The following NADSYN1 variants were observed in gnomAD, a reference collection of about 807,000 sequenced individuals.
NADSYN1 encodes NAD synthetase 1.
In NADSYN1, 80 loss-of-function variants were observed where a neutral mutation model predicts 99.3. That is an observed-to-expected ratio of 0.81 (90% CI 0.67 to 0.97). NADSYN1 has a LOEUF of 0.97. NADSYN1 is among the 50% of genes least tolerant of loss of function. NADSYN1 has a pLI of 0.00. For missense variants in NADSYN1, 859 were observed against 948.5 expected (o/e 0.91, Z 1.24); for synonymous variants, 385 against 372.1 (o/e 1.03, Z -0.40).
chr11:71,487,117 G>C (rs561483559), intron 16 of NADSYN1, among the ~76,000 whole-genome samples: 4 of 152,148 alleles, frequency 2.6e-5, no homozygotes, highest in Admixed American at 1.3e-4. Flanking sequence ...CTGCAGATGT[G>C]TTCTCTTTTA....
At chr11:71,484,083 G>C (rs1949726379) in intron 14 of NADSYN1, among the ~76,000 whole-genome samples, 1 of 152,246 alleles carries the variant, frequency 6.6e-6, no homozygotes. Context: ...GGAGGAGGGA[G>C]TGGGGACAGA....
Position 71,453,314 on chromosome 11 carries a change from CG to C in NADSYN1, c.19del (p.Val7TrpfsTer21). The C allele has an allele frequency of 6.2e-7, 1 of 1,613,766 alleles. No homozygotes were observed. Among genetic ancestry groups the C allele is most frequent in the Middle Eastern group, 1.7e-4 (1 of 6,060 alleles). On this transcript the variant is annotated frameshift_variant, in exon 1 of 21. Coordinates refer to ENST00000319023, the MANE Select transcript of NADSYN1 (RefSeq NM_018161.5). LOFTEE classifies it high-confidence loss of function. Reference protein sequence around the residue: MGRKVTVATCALNQWAL... With the variant: MGRKVTXATCALNQWAL... ...CGGCCAGGATGGGCCGGAAGGTGACCGTGGCCACCTGCGCACTCAACCAGTG... is the reference window on the plus strand; with the variant it reads ...CGGCCAGGATGGGCCGGAAGGTGACCTGGCCACCTGCGCACTCAACCAGTG...
intron 3 of NADSYN1, among the ~76,000 whole-genome samples, chr11:71,459,403 A>C (rs1361642045): frequency 1.5e-5 from 2 of 135,646 alleles, no homozygotes; most frequent in Non-Finnish European, 3.1e-5. Flanking sequence ...AGCCACCCCT[A>C]TGGAGGCCTC....
At chr11:71,464,400 C>T in intron 5 of NADSYN1, 3 of 410,938 alleles carry the variant, frequency 7.3e-6, no homozygotes, top group Non-Finnish European at 4.5e-6. Context: ...ACACAATGTC[C>T]CGGGGTTTAA....
In NADSYN1 at chr11:71,475,471, C is replaced by G. The variant is rs770460330; in HGVS notation, c.798+945C>G. ...GATGACAGAGAACAAAGCTAAGAAC[C>G]CTGCTTGGCACATTCCTCACCAGCA... is the stretch of plus-strand genomic sequence containing the variant. On this transcript the variant is annotated intron_variant, in intron 9 of 20. Coordinates refer to ENST00000319023, the MANE Select transcript of NADSYN1 (RefSeq NM_018161.5). The G allele has an allele frequency of 1.0e-3, 159 of 152,950 alleles. 2 individuals are homozygous for G. The highest frequency in any genetic ancestry group is 5.4e-4 in the Non-Finnish European group (37 of 68,668). The allele number at this position is 152,950 out of a possible 1,614,324, so 9.5% of individuals were successfully genotyped here.
intron 20 of NADSYN1, among the ~76,000 whole-genome samples, chr11:71,501,032 A>G (rs928779622): frequency 2.0e-5 from 3 of 152,020 alleles, no homozygotes; most frequent in Non-Finnish European, 4.4e-5. Flanking sequence ...TTCAGACACT[A>G]TGCAGCCAAA....
chr11:71,463,024 C>G (rs1484203978), intron 3 of NADSYN1, among the ~76,000 whole-genome samples: 1 of 152,126 alleles, frequency 6.6e-6, no homozygotes, highest in Non-Finnish European at 1.5e-5. Context: ...TGGAGGGGTT[C>G]CACCTGTCCC....
At chr11:71,472,023 T>G (rs1387109976) in intron 5 of NADSYN1, among the ~76,000 whole-genome samples, 2 of 152,196 alleles carry the variant, frequency 1.3e-5, no homozygotes, top group African/African-American at 4.8e-5. Flanking sequence ...GAGCATCATT[T>G]TATTCCAGGG....
intron 5 of NADSYN1, among the ~76,000 whole-genome samples, chr11:71,469,736 C>T (rs1306637380): frequency 1.3e-5 from 2 of 152,056 alleles, no homozygotes; most frequent in African/African-American, 2.4e-5. Flanking sequence ...TCAGCATGGG[C>T]GTCATAGCCA....
chr11:71,474,934 C>G, intron 9 of NADSYN1: 1 of 300,024 alleles, frequency 3.3e-6, no homozygotes, highest in Non-Finnish European at 6.7e-6. Context: ...TGCGTTCCCA[C>G]AGTGCGGGAG....
chr11:71,498,138 G>A (rs147508534), intron 19 of NADSYN1, among the ~76,000 whole-genome samples: 3,588 of 151,808 alleles, frequency 0.024, 126 homozygotes, highest in African/African-American at 0.083. Flanking sequence ...GGGGGACCCC[G>A]GTTTCATAGC....
At chr11:71,471,040 C>CATTT (rs1949623049) in intron 5 of NADSYN1, among the ~76,000 whole-genome samples, 1 of 152,146 alleles carries the variant, frequency 6.6e-6, no homozygotes, top group South Asian at 2.1e-4. Context: ...TATCTCCTGT[C>CATTT]ATTTATTTGT....
intron 16 of NADSYN1, among the ~76,000 whole-genome samples, chr11:71,488,329 G>C (rs1949757730): frequency 2.6e-5 from 4 of 152,058 alleles, no homozygotes; most frequent in Admixed American, 2.6e-4. Flanking sequence ...AGAGCTGGGA[G>C]TTTGTAAGCA....
At chr11:71,473,747 C>A in intron 8 of NADSYN1, 61 bp downstream of exon 8, 1 of 1,186,734 alleles carries the variant, frequency 8.4e-7, no homozygotes, top group Admixed American at 1.7e-5. Context: ...AGAACTCCTG[C>A]ATCCTCAGTG....
intron 5 of NADSYN1, among the ~76,000 whole-genome samples, chr11:71,467,891 A>C (rs1949603009): frequency 6.6e-6 from 1 of 152,246 alleles, no homozygotes; most frequent in African/African-American, 2.4e-5. Context: ...AGGATAAACA[A>C]ATAGAAATTC....
chr11:71,472,223 G>A lies in NADSYN1; in HGVS notation c.408-226G>A, dbSNP rs116403310. Among the ~76,000 whole-genome samples, 832 of 152,292 alleles carry A rather than the reference G, an allele frequency of 5.5e-3. 4 individuals carry two copies. The highest frequency in any genetic ancestry group is 0.019 in the African/African-American group (773 of 41,558). On this transcript the variant is annotated intron_variant, in intron 5 of 20. Coordinates refer to ENST00000319023, the MANE Select transcript of NADSYN1 (RefSeq NM_018161.5). ...GGGAAACTGAGGCAGCCCGAAGCTC[G>A]GAGAGCCCAGCCCACCACCATGTCA...
chr11:71,492,032 G>C, intron 18 of NADSYN1, 129 bp downstream of exon 18: 1 of 801,544 alleles, frequency 1.2e-6, no homozygotes, highest in Non-Finnish European at 2.0e-6. Flanking sequence ...CCCTGGCCTG[G>C]GTGCCCAGGG....
intron 5 of NADSYN1, among the ~76,000 whole-genome samples, chr11:71,472,062 G>A (rs1370588682): frequency 6.6e-6 from 1 of 152,146 alleles, no homozygotes; most frequent in Non-Finnish European, 1.5e-5. Context: ...TGTGTTTCGG[G>A]TTAATGCCAC....
chr11:71,480,309 G>A (rs1949697567), intron 10 of NADSYN1: 1 of 176,264 alleles, frequency 5.7e-6, no homozygotes, highest in Non-Finnish European at 1.2e-5. Context: ...TAGTAGCTGG[G>A]ATTACAGGCT....
Sources: gnomAD v4.1 joint callset for allele counts (sites outside exome capture counted in the v4.1 genomes callset) on GRCh38, gnomAD v4.1.1 for gene constraint, MANE v1.5 for transcripts, NCBI Gene and HGNC (gene_info 2026-07-23, HGNC 2026-07-21) for gene names.